Variants in POGZ observed in about 807,000 individuals in gnomAD.
POGZ encodes the protein pogo transposable element with ZNF domain.
POGZ carries 17 observed loss-of-function variants against 134.6 expected under a neutral mutation model. The ratio of observed to expected loss-of-function variants is 0.13; its 90% CI spans 0.09 to 0.19. POGZ has a LOEUF of 0.19. Among genes scored for constraint, POGZ ranks in the 10% least tolerant of loss-of-function variants. The pLI, the probability that POGZ is intolerant of heterozygous loss-of-function variation, is 1.00. For synonymous variants in POGZ, 693 were observed against 657.1 expected, an observed-to-expected ratio of 1.05 and a Z score of -0.84; for missense variants, 1,306 against 1,769.7, an observed-to-expected ratio of 0.74 and a Z score of 4.70.
At chr1:151,435,498 C>CTTT (rs60354484) in intron 3 of POGZ, among the ~76,000 whole-genome samples, 1 of 146,860 alleles carries the variant, frequency 6.8e-6, no homozygotes, top group Non-Finnish European at 1.5e-5. Flanking sequence ...TGATACTTTC[C>CTTT]TTTTTTTTTT....
chr1:151,403,048 T>C lies in POGZ; in HGVS notation c.*1754A>G. On this transcript the variant is annotated 3_prime_UTR_variant, in exon 19 of 19. Transcript: ENST00000271715. ...GGCAAAGGCTGACTTCAAAGTCCATTGTCTGTCAATAAAATGGCATCAGGC... is the reference window on the plus strand; with the variant it reads ...GGCAAAGGCTGACTTCAAAGTCCATCGTCTGTCAATAAAATGGCATCAGGC... The C allele has an allele frequency of 5.5e-6, 1 of 181,248 alleles. No homozygotes were observed. The highest frequency in any genetic ancestry group is 1.1e-5 in the Non-Finnish European group (1 of 94,072). The allele number at this position is 181,248 out of a possible 1,614,324, so 11.2% of individuals were successfully genotyped here. A position where few individuals can be genotyped will look rare whatever the true frequency, so the allele number is the denominator to read the frequency against.
chr1:151,419,668 CA>C (rs59593149), intron 10 of POGZ, among the ~76,000 whole-genome samples: 445 of 43,584 alleles, frequency 0.01, 1 homozygote, highest in African/African-American at 0.041. Flanking sequence ...GACCCTGTCT[CA>C]AAAAAAAAAA....
In POGZ at chr1:151,459,187, G is replaced by A. The variant is rs1571621968; in HGVS notation, c.-37C>T. On this transcript the variant is annotated 5_prime_UTR_variant, in exon 1 of 19. Transcript: ENST00000271715. ...CGTCGCCGCCGGTAGTCTGACCCGA[G>A]GAAGGCGCCGTCGCCTTAAAGGGAC... is the stretch of plus-strand genomic sequence containing the variant. 2 of 151,748 alleles carry A rather than the reference G, an allele frequency of 1.3e-5. No individual in the cohort carries two copies. The highest frequency in any genetic ancestry group is 1.9e-4 in the East Asian group (1 of 5,152). 9.4% of individuals were successfully genotyped at this position (151,748 alleles called of 1,614,324 possible).
chr1:151,426,185 CTACT>C (rs1306127797), intron 7 of POGZ: 1 of 151,222 alleles, frequency 6.6e-6, no homozygotes, highest in Non-Finnish European at 1.5e-5. Flanking sequence ...GCCTACTTTC[CTACT>C]TTTTTTTTTT....
chr1:151,437,843 CT>C (rs1659884927), intron 3 of POGZ, among the ~76,000 whole-genome samples: 1 of 152,180 alleles, frequency 6.6e-6, no homozygotes, highest in Non-Finnish European at 1.5e-5. Context: ...TAAAGGGAAA[CT>C]GGGTTGTATG....
Position 151,423,963 on chromosome 1 carries a change from T to C in POGZ, c.1509A>G (p.Leu503=). Residue 503 remains leucine (L), a synonymous_variant, in exon 9 of 19, where the codon CTA becomes CTG. Transcript: ENST00000271715. ...SFRCPHCTKR[L]KNNIRFMNHM... ...TAAACACTTACCGAATATTGTTTTT[T>C]AGCCTTTTGGTACAATGTGGGCATC... 3 of 1,613,402 alleles carry C rather than the reference T, an allele frequency of 1.9e-6. No individual in the cohort carries two copies. The highest frequency in any genetic ancestry group is 2.2e-5 in the East Asian group (1 of 44,872).
At chr1:151,425,283 C>G in intron 7 of POGZ, 1 of 398,782 alleles carries the variant, frequency 2.5e-6, no homozygotes, top group East Asian at 5.1e-5. Context: ...CTCACTGCAG[C>G]CTTGACCTCC....
At chr1:151,437,100 A>G (rs1659713379) in intron 3 of POGZ, among the ~76,000 whole-genome samples, 1 of 152,052 alleles carries the variant, frequency 6.6e-6, no homozygotes, top group African/African-American at 2.4e-5. Context: ...AGACTGAGGT[A>G]CGAGAATCAT....
Position 151,428,363 on chromosome 1 carries a change from A to G in POGZ, c.619T>C (p.Ser207Pro), listed in dbSNP as rs1477323477. The G allele has an allele frequency of 1.2e-6, 2 of 1,613,926 alleles. No individual in the cohort carries two copies. The highest frequency in any genetic ancestry group is 1.7e-6 in the Non-Finnish European group (2 of 1,179,796). The change falls in exon 6 of 19, where the codon TCC (serine) becomes CCC (proline). Residue 207 changes from serine to proline, a missense_variant. Around this residue, in one of 10 missense-constraint regions of POGZ, gnomAD observed 541 missense variants for 680.5 expected, o/e 0.80. Coordinates refer to ENST00000271715, the MANE Select transcript of POGZ (RefSeq NM_015100.4). ...KPTVGVPQVF[S>P]QMTPVRPGST... ...CCTGGCCTCACAGGGGTCATCTGGGAGAACACTTGTGGAACTCCAACTGTC... is the reference window on the plus strand; with the variant it reads ...CCTGGCCTCACAGGGGTCATCTGGGGGAACACTTGTGGAACTCCAACTGTC...
chr1:151,449,886 C>G (rs1459626088), intron 1 of POGZ, among the ~76,000 whole-genome samples: 1 of 152,134 alleles, frequency 6.6e-6, no homozygotes, highest in Non-Finnish European at 1.5e-5. Flanking sequence ...GACTCCGTCT[C>G]AAAAACTCTG....
rs1039164280 is a variant in POGZ at position 151,403,532 on chromosome 1, T to C, written c.*1270A>G. ...TTTCTCTGTACGGTACAGTACGTTT[T>C]GGTTTACAACCATGAGTACATACAA... is the stretch of plus-strand genomic sequence containing the variant. On this transcript the variant is annotated 3_prime_UTR_variant, in exon 19 of 19. Coordinates refer to ENST00000271715, the MANE Select transcript of POGZ (RefSeq NM_015100.4). 1.0e-6 allele frequency: 1 copy of C among 985,560 alleles called. No individual in the cohort carries two copies. Among genetic ancestry groups the C allele is most frequent in the African/African-American group, 1.7e-5 (1 of 57,240 alleles). The allele number at this position is 985,560 out of a possible 1,614,324, so 61.1% of individuals were successfully genotyped here. A position where few individuals can be genotyped will look rare whatever the true frequency, so the allele number is the denominator to read the frequency against.
intron 10 of POGZ, among the ~76,000 whole-genome samples, chr1:151,417,680 T>TA (rs1388796320): frequency 1.6e-5 from 2 of 126,730 alleles, no homozygotes; most frequent in African/African-American, 3.1e-5. Flanking sequence ...TTAACAAAGG[T>TA]ACTGTGGCCA....
At chr1:151,406,676 T>G (rs192539903) in intron 17 of POGZ, 45 bp from the exon 18 acceptor site, 2 of 1,547,860 alleles carry the variant, frequency 1.3e-6, no homozygotes. Flanking sequence ...AGTGAAAAAA[T>G]AAGCCCTCCA....
intron 1 of POGZ, among the ~76,000 whole-genome samples, chr1:151,458,875 C>T (rs1325395875): frequency 3.4e-5 from 5 of 145,152 alleles, no homozygotes; most frequent in Admixed American, 3.4e-4. Context: ...CAGGCAGGGA[C>T]CTCCGCCGCC....
intron 1 of POGZ, among the ~76,000 whole-genome samples, chr1:151,457,560 T>G (rs1353830582): frequency 6.6e-6 from 1 of 152,074 alleles, no homozygotes; most frequent in African/African-American, 2.4e-5. Flanking sequence ...TGTCTCAAAA[T>G]TAATCGTTTG....
intron 10 of POGZ, among the ~76,000 whole-genome samples, chr1:151,421,368 A>G (rs905474778): frequency 2.0e-5 from 3 of 150,826 alleles, no homozygotes; most frequent in Non-Finnish European, 2.9e-5. Flanking sequence ...AGATTCAAGA[A>G]AGAAAAATTG....
At chr1:151,424,409 T>C (rs1373835263) in intron 8 of POGZ, 123 bp from the exon 9 acceptor site, 3 of 630,972 alleles carry the variant, frequency 4.8e-6, no homozygotes, top group Non-Finnish European at 5.3e-6. Context: ...GCTTTCACCC[T>C]TCAGTTTTTT....
At chr1:151,418,882 G>A (rs1376623847) in intron 10 of POGZ, among the ~76,000 whole-genome samples, 6 of 150,790 alleles carry the variant, frequency 4.0e-5, no homozygotes, top group Non-Finnish European at 7.4e-5. Context: ...AAAATTAGCC[G>A]GGCATGGTGG....
chr1:151,431,639 C>T (rs1221242965), intron 3 of POGZ, among the ~76,000 whole-genome samples: 1 of 152,114 alleles, frequency 6.6e-6, no homozygotes, highest in African/African-American at 2.4e-5. Flanking sequence ...AACTAACCCA[C>T]ACCAAGTAAA....
Sources: gnomAD v4.1 joint callset for allele counts (sites outside exome capture counted in the v4.1 genomes callset) on GRCh38, gnomAD v4.1.1 for gene constraint, gnomAD v4.1.1 regional missense constraint, MANE v1.5 for transcripts, NCBI Gene and HGNC (gene_info 2026-07-23, HGNC 2026-07-21) for gene names.